Variants in CAP2 observed in about 807,000 individuals in gnomAD.
The protein encoded by CAP2 is cyclase associated actin cytoskeleton regulatory protein 2.
In CAP2, 24 loss-of-function variants were observed where a neutral mutation model predicts 57.7. That is an observed-to-expected ratio of 0.42 (90% confidence interval 0.30 to 0.58). The LOEUF (loss-of-function observed/expected upper bound fraction) is 0.58, where lower values mean the gene tolerates loss of function less well. Among genes scored for constraint, CAP2 ranks in the 20% least tolerant of loss-of-function variants. CAP2 has a pLI of 0.22. For synonymous variants in CAP2, 194 were observed against 207.2 expected (o/e 0.94, Z 0.55); for missense variants, 501 against 590.3 (o/e 0.85, Z 1.57).
chr6:17,537,599 A>G (rs185248358), intron 7 of CAP2, among the ~76,000 whole-genome samples: 5,938 of 152,240 alleles, frequency 0.039, 406 homozygotes, highest in African/African-American at 0.13. Context: ...CAATAAGGAT[A>G]TTCTGTTTTC....
At chr6:17,462,894 C>G in intron 3 of CAP2, 102 bp from the exon 4 acceptor site, 1 of 831,786 alleles carries the variant, frequency 1.2e-6, no homozygotes, top group Non-Finnish European at 2.0e-6. Context: ...GATATATTTT[C>G]ATTTTTCTTG....
chr6:17,480,742 A>T (rs984454098), intron 4 of CAP2, among the ~76,000 whole-genome samples: 6 of 151,726 alleles, frequency 4.0e-5, no homozygotes, highest in Non-Finnish European at 8.8e-5. Flanking sequence ...CCATCTGCCA[A>T]GATGACTTGG....
intron 3 of CAP2, among the ~76,000 whole-genome samples, chr6:17,435,684 A>T (rs1342782339): frequency 8.4e-5 from 3 of 35,818 alleles, no homozygotes; most frequent in African/African-American, 4.4e-4. Flanking sequence ...AGTATAATAA[A>T]AAAAAAAAAA....
At chr6:17,416,367 A>C (rs1759275338) in intron 1 of CAP2, among the ~76,000 whole-genome samples, 1 of 152,178 alleles carries the variant, frequency 6.6e-6, no homozygotes, top group South Asian at 2.1e-4. Context: ...GCGAACGTTC[A>C]TTATGACCAT....
chr6:17,411,863 A>G (rs1322683817), intron 1 of CAP2, among the ~76,000 whole-genome samples: 1 of 152,146 alleles, frequency 6.6e-6, no homozygotes, highest in Non-Finnish European at 1.5e-5. Flanking sequence ...GGTGTAAACA[A>G]GCGCAAAGGG....
chr6:17,468,795 A>G (rs976151783), intron 4 of CAP2, among the ~76,000 whole-genome samples: 2 of 152,208 alleles, frequency 1.3e-5, no homozygotes, highest in African/African-American at 4.8e-5. Flanking sequence ...GCAGGTGAGC[A>G]TAGAGGAAGT....
At chr6:17,405,784 A>C (rs1187545941) in intron 1 of CAP2, among the ~76,000 whole-genome samples, 4 of 152,308 alleles carry the variant, frequency 2.6e-5, no homozygotes, top group Admixed American at 2.0e-4. Flanking sequence ...TCTGTCACTC[A>C]GGCTGGAAGG....
chr6:17,533,743 T>C (rs1250072099), intron 7 of CAP2, among the ~76,000 whole-genome samples: 1 of 152,042 alleles, frequency 6.6e-6, no homozygotes, highest in Non-Finnish European at 1.5e-5. Flanking sequence ...AATTTTTGTA[T>C]TTTTAGTAGA....
Position 17,493,192 on chromosome 6 carries a change from TATTC to T in CAP2, c.301-13971_301-13968del, listed in dbSNP as rs1190012927. 2.0e-5 allele frequency among the ~76,000 whole-genome samples: 3 copies of T among 152,358 alleles called. No individual in the cohort carries two copies. The East Asian group carries it at 5.8e-4, about 29-fold the overall frequency. On this transcript the variant is annotated intron_variant, in intron 4 of 12. Transcript: ENST00000229922. Reference sequence around the variant, plus strand: ...TTTGTCACTTCAGTGTTAGTTTGTGTATTCATTCACTTGTTCATTCATGCCTGTT... The same window carrying T: ...TTTGTCACTTCAGTGTTAGTTTGTGTATTCACTTGTTCATTCATGCCTGTT...
At chr6:17,416,417 T>C (rs746416364) in intron 1 of CAP2, among the ~76,000 whole-genome samples, 1 of 152,170 alleles carries the variant, frequency 6.6e-6, no homozygotes, top group Non-Finnish European at 1.5e-5. Context: ...ATGGCAACCC[T>C]GTGTATAGTA....
intron 4 of CAP2, among the ~76,000 whole-genome samples, chr6:17,479,557 AG>A (rs1422930302): frequency 2.0e-5 from 3 of 152,202 alleles, no homozygotes; most frequent in Non-Finnish European, 4.4e-5. Flanking sequence ...GAGGGAAAAA[AG>A]GAAGGGGTAG....
chr6:17,470,099 A>G (rs74997567), intron 4 of CAP2, among the ~76,000 whole-genome samples: 3,021 of 152,264 alleles, frequency 0.02, 69 homozygotes, highest in Middle Eastern at 0.051. Flanking sequence ...CACATTTTCT[A>G]CTCATTAGCT....
At chr6:17,399,677 A>T (rs562807887) in intron 1 of CAP2, among the ~76,000 whole-genome samples, 1 of 152,308 alleles carries the variant, frequency 6.6e-6, no homozygotes, top group East Asian at 1.9e-4. Context: ...TTAAAATTTC[A>T]CATTTACCTG....
At chr6:17,498,784 A>C (rs1231725945) in intron 4 of CAP2, among the ~76,000 whole-genome samples, 1 of 151,980 alleles carries the variant, frequency 6.6e-6, no homozygotes, top group East Asian at 1.9e-4. Context: ...GCTGGAGTGC[A>C]GTGGCACGAT....
chr6:17,463,472 T>A (rs73721574), intron 4 of CAP2, among the ~76,000 whole-genome samples: 7,903 of 152,276 alleles, frequency 0.052, 663 homozygotes, highest in African/African-American at 0.18. Flanking sequence ...AACTAATTTT[T>A]AGCTCAGATT....
chr6:17,402,209 C>A (rs750280228), intron 1 of CAP2, among the ~76,000 whole-genome samples: 42 of 152,204 alleles, frequency 2.8e-4, no homozygotes, highest in Non-Finnish European at 5.0e-4. Flanking sequence ...TTCCCATCTG[C>A]TTTTCCATAA....
chr6:17,476,315 T>C (rs538602006), intron 4 of CAP2, among the ~76,000 whole-genome samples: 2 of 152,348 alleles, frequency 1.3e-5, no homozygotes, highest in South Asian at 4.1e-4. Context: ...TATCTGAAGC[T>C]GATGATGGAT....
intron 3 of CAP2, among the ~76,000 whole-genome samples, chr6:17,430,309 G>T (rs1294593030): frequency 6.6e-6 from 1 of 152,140 alleles, no homozygotes; most frequent in Non-Finnish European, 1.5e-5. Flanking sequence ...CTAAACCAAA[G>T]GGCTTATTTA....
intron 3 of CAP2, among the ~76,000 whole-genome samples, chr6:17,428,691 G>T (rs927922956): frequency 4.0e-5 from 6 of 151,498 alleles, no homozygotes; most frequent in African/African-American, 1.5e-4. Context: ...GAGTTAGTGG[G>T]TGCAGCGCAC....
Sources: gnomAD v4.1 joint callset for allele counts (sites outside exome capture counted in the v4.1 genomes callset) on GRCh38, gnomAD v4.1.1 for gene constraint, MANE v1.5 for transcripts, NCBI Gene and HGNC (gene_info 2026-07-23, HGNC 2026-07-21) for gene names.